Variants in C6orf62 observed in about 807,000 individuals in gnomAD.
C6orf62 encodes uncharacterized protein C6orf62.
C6orf62 carries 16 observed loss-of-function variants against 26.8 expected under a neutral mutation model. The observed-to-expected ratio is 0.60, with a 90% CI of 0.40 to 0.91. The LOEUF is 0.91. Ranked by LOEUF, C6orf62 falls within the 40% of genes least tolerant of loss-of-function variation. The pLI is 0.00. For missense variants in C6orf62, 192 were observed against 271.4 expected (o/e 0.71, Z 2.06); for synonymous variants, 112 against 91.5 (o/e 1.22, Z -1.28).
chr6:24,713,552 TTAAAA>T (rs1457747948), intron 3 of C6orf62, among the ~76,000 whole-genome samples: 4 of 152,292 alleles, frequency 2.6e-5, no homozygotes, highest in Middle Eastern at 6.8e-3. Context: ...TTTAGTGTAC[TTAAAA>T]TGAGTCCTTA....
chr6:24,716,244 A>C lies in C6orf62; in HGVS notation c.210T>G (p.Gly70=). Residue 70 remains glycine (G), a synonymous_variant, in exon 2 of 5, where the codon GGT becomes GGG. Transcript: ENST00000378119. ...TNNYEENILK[G]VRDSSYSLES... ...CCAAGGAATAGCTGGAATCTCGCAC[A>C]CCTTTCAGGATATTTTCTTCATAAT... The C allele has an allele frequency of 6.2e-7, 1 of 1,613,568 alleles. No individual in the cohort carries two copies. Among genetic ancestry groups the C allele is most frequent in the South Asian group, 1.1e-5 (1 of 91,076 alleles).
chr6:24,706,359 A>T, intron 4 of C6orf62, 97 bp from the exon 5 acceptor site: 1 of 1,503,128 alleles, frequency 6.7e-7, no homozygotes, highest in South Asian at 1.3e-5. Flanking sequence ...ACATCTTAAC[A>T]TACAGAGTAA....
chr6:24,720,576 G>A (rs1475279708), upstream of C6orf62: 1 of 184,976 alleles, frequency 5.4e-6, no homozygotes, highest in Non-Finnish European at 1.0e-5. Context: ...AGGGGGAAGG[G>A]AAAGGAAGCC....
chr6:24,708,165 G>A (rs190209544), intron 4 of C6orf62, among the ~76,000 whole-genome samples: 53 of 151,854 alleles, frequency 3.5e-4, no homozygotes, highest in African/African-American at 1.3e-3. Flanking sequence ...CCACACATCT[G>A]GTAGACACGC....
upstream of C6orf62, chr6:24,719,221 G>A (rs1779303468): frequency 1.6e-5 from 16 of 986,478 alleles, no homozygotes; most frequent in Non-Finnish European, 6.0e-6. Context: ...CAGGGTAGGT[G>A]AATGAAACTG....
upstream of C6orf62, chr6:24,720,219 G>A (rs1223189474): frequency 3.0e-6 from 4 of 1,334,268 alleles, no homozygotes; most frequent in Admixed American, 3.7e-5. Context: ...CTCACGGACC[G>A]ACTCTAGGGC....
At chr6:24,716,390 T>G in intron 1 of C6orf62, 66 bp from the exon 2 acceptor site, 1 of 1,136,226 alleles carries the variant, frequency 8.8e-7, no homozygotes, top group Non-Finnish European at 1.3e-6. Flanking sequence ...CAGTTCATAT[T>G]ACAATGTCAT....
chr6:24,718,922 G>C lies in C6orf62; in HGVS notation c.-254C>G, dbSNP rs1191304418. On this transcript the variant is annotated 5_prime_UTR_variant, in exon 1 of 5. Coordinates refer to ENST00000378119, the MANE Select transcript of C6orf62 (RefSeq NM_030939.5). ...AACGTTTGGGGTCAGACGGGAAAAA[G>C]GGAGGAAAGAAAGGAAAGAAAGAGG... 2 of 1,269,584 alleles carry C rather than the reference G, an allele frequency of 1.6e-6. No homozygotes were observed. The highest frequency in any genetic ancestry group is 3.1e-5 in the African/African-American group (2 of 64,096). 78.6% of individuals were successfully genotyped at this position (1,269,584 alleles called of 1,614,324 possible).
upstream of C6orf62, chr6:24,720,093 G>A: frequency 7.5e-7 from 1 of 1,332,950 alleles, no homozygotes; most frequent in African/African-American, 1.7e-5. Flanking sequence ...TCCAGAGTTT[G>A]GATTGTTTAG....
chr6:24,707,149 ATACTT>A (rs1412042933), intron 4 of C6orf62: 1 of 152,220 alleles, frequency 6.6e-6, no homozygotes, highest in African/African-American at 2.4e-5. Context: ...CATATGTAAT[ATACTT>A]TACTTGTATT....
At chr6:24,710,611 G>GT (rs2127633376) in intron 3 of C6orf62, 1 of 978,862 alleles carries the variant, frequency 1.0e-6, no homozygotes, top group Non-Finnish European at 1.2e-6. Flanking sequence ...AAAAAAAAAA[G>GT]TAACAGTAAG....
At chr6:24,720,291 C>T (rs1269933411), upstream of C6orf62, 2 of 1,301,164 alleles carry the variant, frequency 1.5e-6, no homozygotes, top group Non-Finnish European at 9.7e-7. Context: ...GAAGAGGCGG[C>T]GGCGGCGGGG....
upstream of C6orf62, chr6:24,719,394 A>T (rs1012350951): frequency 2.4e-5 from 24 of 1,009,870 alleles, no homozygotes; most frequent in South Asian, 7.3e-4. Context: ...GGAAAGGGAG[A>T]GGTACAGGGT....
At chr6:24,719,185 A>G (rs1484636545), upstream of C6orf62, 1 of 972,708 alleles carries the variant, frequency 1.0e-6, no homozygotes, top group Non-Finnish European at 1.2e-6. Context: ...ACTCACCAAA[A>G]CCAAAACCAA....
At chr6:24,711,464 C>T (rs1275746437) in intron 3 of C6orf62, among the ~76,000 whole-genome samples, 1 of 152,016 alleles carries the variant, frequency 6.6e-6, no homozygotes, top group Non-Finnish European at 1.5e-5. Flanking sequence ...ATTCTGGTTC[C>T]GATTATATCC....
upstream of C6orf62, chr6:24,719,601 G>A: frequency 7.1e-7 from 1 of 1,403,814 alleles, no homozygotes; most frequent in Non-Finnish European, 9.2e-7. Context: ...AATTATTCCG[G>A]CTCTGTGGTT....
Position 24,718,727 on chromosome 6 carries a change from T to C in C6orf62, c.-59A>G. On this transcript the variant is annotated 5_prime_UTR_variant, in exon 1 of 5. Coordinates refer to ENST00000378119, the MANE Select transcript of C6orf62 (RefSeq NM_030939.5). The stretch of plus-strand genomic sequence containing the variant: ...ATTGTCACTAAACTATGGGCACTTT[T>C]TCTTAAGACTCAAGTACAACAGAAA... 3.1e-6 allele frequency: 5 copies of C among 1,597,408 alleles called. No homozygotes were observed. Among genetic ancestry groups the C allele is most frequent in the Non-Finnish European group, 3.4e-6 (4 of 1,176,314 alleles).
rs183083766 is a variant in C6orf62, at chr6:24,716,265, A to G, written c.189T>C (p.Tyr63=). Residue 63 remains tyrosine, a synonymous_variant, in exon 2 of 5, where the codon TAT becomes TAC. Transcript: ENST00000378119. ...GCACACCTTTCAGGATATTTTCTTC[A>G]TAATTATTTGTCATGACTGGTATAA... ...SEVIPVMTNN[Y]EENILKGVRD... 75 of 1,613,940 alleles carry G rather than the reference A, an allele frequency of 4.6e-5. No homozygotes were observed. The East Asian group carries it at 1.6e-3, about 35-fold the overall frequency.
upstream of C6orf62, chr6:24,720,640 G>C (rs1239472085): frequency 6.5e-6 from 1 of 153,412 alleles, no homozygotes; most frequent in Admixed American, 6.5e-5. Context: ...TTCAGTTCAA[G>C]CATCTGCTCT....
Sources: allele counts gnomAD v4.1 joint callset (sites outside exome capture counted in the v4.1 genomes callset), GRCh38; gene constraint gnomAD v4.1.1; transcripts MANE v1.5; gene names NCBI Gene and HGNC (gene_info 2026-07-23, HGNC 2026-07-21).